Variants in TCEA1 observed in about 807,000 individuals in gnomAD.
The protein encoded by TCEA1 is transcription elongation factor A1.
TCEA1 carries 21 observed loss-of-function variants against 43.8 expected under a neutral mutation model. The observed-to-expected ratio is 0.48, with a 90% CI of 0.34 to 0.69. The LOEUF is 0.69. TCEA1 is among the 30% of genes least tolerant of loss of function. TCEA1 has a pLI of 0.01. For missense variants in TCEA1, 250 were observed against 365.1 expected, an observed-to-expected ratio of 0.68 and a Z score of 2.57; for synonymous variants, 104 against 117.5, an observed-to-expected ratio of 0.88 and a Z score of 0.75.
chr8:53,992,820 T>C (rs2129305730), intron 4 of TCEA1, among the ~76,000 whole-genome samples: 1 of 152,216 alleles, frequency 6.6e-6, no homozygotes, highest in Admixed American at 6.5e-5. Flanking sequence ...CAACTATGAG[T>C]AAGCAACATG....
chr8:53,984,268 A>G, intron 7 of TCEA1, 95 bp downstream of exon 7: 1 of 1,140,088 alleles, frequency 8.8e-7, no homozygotes, highest in Non-Finnish European at 1.2e-6. Flanking sequence ...TTTATTACAT[A>G]TGCAATATTT....
chr8:54,003,934 C>T (rs1018071884), intron 2 of TCEA1, among the ~76,000 whole-genome samples: 10 of 148,734 alleles, frequency 6.7e-5, no homozygotes, highest in African/African-American at 2.5e-4. Context: ...TATTACAACT[C>T]GATTAAAAAA....
At chr8:53,974,882 A>G (rs1241907976) in intron 8 of TCEA1, among the ~76,000 whole-genome samples, 1 of 152,060 alleles carries the variant, frequency 6.6e-6, no homozygotes, top group African/African-American at 2.4e-5. Context: ...ATAGAGCAGT[A>G]TCTACGCTTG....
chr8:54,004,349 T>C (rs1344844904), intron 2 of TCEA1, among the ~76,000 whole-genome samples: 1 of 152,174 alleles, frequency 6.6e-6, no homozygotes, highest in Non-Finnish European at 1.5e-5. Context: ...CATAGCAGTG[T>C]GATACATAAC....
rs1803028243 is a variant in TCEA1, at chr8:53,967,782, C to T, written c.*322G>A. The T allele has an allele frequency of 7.2e-6, 2 of 279,610 alleles. No homozygotes were observed. Among genetic ancestry groups the T allele is most frequent in the East Asian group, 5.2e-5 (1 of 19,300 alleles). The allele number at this position is 279,610 out of a possible 1,614,324, so 17.3% of individuals were successfully genotyped here. A position where few individuals can be genotyped will look rare whatever the true frequency, so the allele number is the denominator to read the frequency against. On this transcript the variant is annotated 3_prime_UTR_variant, in exon 10 of 10. Transcript: ENST00000521604. ...AACAGAATTTCTACTGTGTATGTTT[C>T]ACAGTGTAAAAGAAAAAAAGTTAAG...
At chr8:53,979,218 T>C (rs1803431972) in intron 7 of TCEA1, 47 bp from the exon 8 acceptor site, 1 of 1,522,440 alleles carries the variant, frequency 6.6e-7, no homozygotes, top group Admixed American at 1.9e-5. Context: ...ACCTTCTATA[T>C]ATATCCTGAA....
intron 8 of TCEA1, among the ~76,000 whole-genome samples, chr8:53,976,501 T>C (rs548145246): frequency 1.6e-4 from 24 of 152,310 alleles, no homozygotes; most frequent in African/African-American, 5.5e-4. Flanking sequence ...CATGAGAACT[T>C]TGAGAGTTTT....
chr8:54,012,028 A>C (rs1428168038), intron 1 of TCEA1, among the ~76,000 whole-genome samples: 1 of 152,202 alleles, frequency 6.6e-6, no homozygotes, highest in African/African-American at 2.4e-5. Flanking sequence ...GTTGTTGGAA[A>C]AGAAATCTAA....
intron 3 of TCEA1, among the ~76,000 whole-genome samples, chr8:53,995,488 G>A (rs192063654): frequency 6.6e-5 from 10 of 151,990 alleles, no homozygotes; most frequent in Admixed American, 4.6e-4. Flanking sequence ...AAAACACATA[G>A]CCTTGAAGCT....
intron 2 of TCEA1, among the ~76,000 whole-genome samples, chr8:54,009,545 T>C (rs1199830705): frequency 1.3e-5 from 2 of 152,168 alleles, no homozygotes; most frequent in Admixed American, 6.5e-5. Flanking sequence ...TGAAGTTATG[T>C]TAACTGAAAT....
intron 7 of TCEA1, among the ~76,000 whole-genome samples, chr8:53,979,646 G>T (rs1378942633): frequency 7.9e-5 from 12 of 152,200 alleles, no homozygotes; most frequent in Admixed American, 7.9e-4. Flanking sequence ...AAATGCCAGA[G>T]GATTAGGATT....
At chr8:53,981,383 T>C (rs908628645) in intron 7 of TCEA1, among the ~76,000 whole-genome samples, 6 of 152,212 alleles carry the variant, frequency 3.9e-5, no homozygotes, top group African/African-American at 1.4e-4. Flanking sequence ...GACTCTCTTG[T>C]TAGGGGCTAA....
At chr8:53,981,927 CTT>C (rs35034211) in intron 7 of TCEA1, among the ~76,000 whole-genome samples, 9 of 128,118 alleles carry the variant, frequency 7.0e-5, no homozygotes, top group Non-Finnish European at 5.1e-5. Flanking sequence ...GCTAAGTTTT[CTT>C]TTTTTTTTTT....
At chr8:53,992,249 T>C (rs926961208) in intron 4 of TCEA1, among the ~76,000 whole-genome samples, 4 of 150,812 alleles carry the variant, frequency 2.7e-5, no homozygotes, top group Non-Finnish European at 4.4e-5. Context: ...AAGGTGGAGG[T>C]GGCAGTGAGT....
chr8:54,006,014 A>C (rs2039311639), intron 2 of TCEA1, among the ~76,000 whole-genome samples: 1 of 152,284 alleles, frequency 6.6e-6, no homozygotes, highest in Non-Finnish European at 1.5e-5. Context: ...TTCTCTGCTG[A>C]AATATCTTTC....
chr8:54,010,840 T>C lies in TCEA1; in HGVS notation c.64-348A>G, dbSNP rs373198178. Among the ~76,000 whole-genome samples the C allele has an allele frequency of 2.4e-4, 37 of 152,152 alleles. No individual in the cohort carries two copies. In the East Asian group the frequency reaches 3.9e-3, roughly 16 times the overall value. On this transcript the variant is annotated intron_variant, in intron 1 of 9. Coordinates refer to ENST00000521604, the MANE Select transcript of TCEA1 (RefSeq NM_006756.4). ...CTTTTTTTTTTTTTAAGACAGAGTC[T>C]CACTCTGTTGCCCAGGTTGGAGTGC...
chr8:53,985,502 C>T (rs2129302797), intron 6 of TCEA1, among the ~76,000 whole-genome samples: 1 of 152,236 alleles, frequency 6.6e-6, no homozygotes, highest in South Asian at 2.1e-4. Context: ...TCACACAGTT[C>T]CCACAGGGTC....
chr8:53,988,002 G>C (rs1803743300), intron 5 of TCEA1, 112 bp downstream of exon 5: 1 of 1,318,558 alleles, frequency 7.6e-7, no homozygotes, highest in African/African-American at 1.5e-5. Flanking sequence ...CTAAGCAGCA[G>C]TGGGTGGGCT....
chr8:54,005,060 A>G (rs937230405), intron 2 of TCEA1, among the ~76,000 whole-genome samples: 1 of 152,034 alleles, frequency 6.6e-6, no homozygotes, highest in Non-Finnish European at 1.5e-5. Context: ...AGTTTCCTGC[A>G]CTCCTAATTG....
Sources: allele counts gnomAD v4.1 joint callset (sites outside exome capture counted in the v4.1 genomes callset), GRCh38; gene constraint gnomAD v4.1.1; transcripts MANE v1.5; gene names NCBI Gene and HGNC (gene_info 2026-07-23, HGNC 2026-07-21).